Variants in ACTR3B observed in about 807,000 individuals in gnomAD.
ACTR3B encodes the protein actin related protein 3B, also known as actin-related protein 3B.
Under a neutral mutation model 59.0 loss-of-function variants are expected in ACTR3B, and 8 were observed. That is an observed-to-expected ratio of 0.14 (90% CI 0.08 to 0.24). The LOEUF is 0.24. ACTR3B is among the 10% of genes least tolerant of loss of function. The probability of loss-of-function intolerance (pLI) is 1.00; values close to 1 mark genes in which losing one functional copy is unlikely to be tolerated. For synonymous variants in ACTR3B, 148 were observed against 197.9 expected, an observed-to-expected ratio of 0.75 and a Z score of 2.12; for missense variants, 245 against 552.3, an observed-to-expected ratio of 0.44 and a Z score of 5.58.
At chr7:152,822,318 G>A (rs1310043499) in intron 7 of ACTR3B, among the ~76,000 whole-genome samples, 4 of 152,178 alleles carry the variant, frequency 2.6e-5, no homozygotes, top group African/African-American at 7.2e-5. Flanking sequence ...CCAGCTGGGC[G>A]GCCCACCTCG....
chr7:152,801,105 G>A (rs2098234917), intron 3 of ACTR3B, among the ~76,000 whole-genome samples: 1 of 152,272 alleles, frequency 6.6e-6, no homozygotes, highest in African/African-American at 2.4e-5. Context: ...TTTAGAGATA[G>A]GTCTTACTCT....
chr7:152,778,061 C>T (rs973909599), intron 1 of ACTR3B, among the ~76,000 whole-genome samples: 7 of 151,834 alleles, frequency 4.6e-5, no homozygotes, highest in Non-Finnish European at 8.8e-5. Context: ...AGTGTAAAAT[C>T]AGAATAATGA....
chr7:152,770,872 T>C (rs71541784), intron 1 of ACTR3B, among the ~76,000 whole-genome samples: 47,854 of 107,222 alleles, frequency 0.45, 8,680 homozygotes, highest in Non-Finnish European at 0.54. Context: ...CATGGGACTA[T>C]GCACAGAAAA....
intron 9 of ACTR3B, among the ~76,000 whole-genome samples, chr7:152,845,716 C>T (rs962542241): frequency 3.9e-5 from 6 of 152,148 alleles, no homozygotes; most frequent in African/African-American, 9.7e-5. Flanking sequence ...GCAGCTCTCC[C>T]GGCGCTCAGG....
At chr7:152,833,765 G>C (rs1797214607) in intron 9 of ACTR3B, among the ~76,000 whole-genome samples, 1 of 152,104 alleles carries the variant, frequency 6.6e-6, no homozygotes, top group African/African-American at 2.4e-5. Context: ...CGTTTATAAT[G>C]GTATGTGCTG....
intron 2 of ACTR3B, among the ~76,000 whole-genome samples, chr7:152,789,067 C>CAAACAGCAACAACA (rs2098185607): frequency 2.7e-5 from 1 of 37,696 alleles, no homozygotes. Flanking sequence ...CAACAACAAA[C>CAAACAGCAACAACA]AACAACAACA....
chr7:152,759,779 G>C lies in ACTR3B; in HGVS notation c.-104G>C. ...CCGGGCTCCCGGCAGCGGCGCTGCG[G>C]CGGCTCGCGGGAGACGCTGCGCGCG... On this transcript the variant is annotated 5_prime_UTR_variant, in exon 1 of 12. Transcript: ENST00000256001. The C allele has an allele frequency of 8.6e-6, 8 of 930,918 alleles. No individual in the cohort carries two copies. Among genetic ancestry groups the C allele is most frequent in the Non-Finnish European group, 1.1e-5 (8 of 753,586 alleles). The allele number at this position is 930,918 out of a possible 1,614,324, so 57.7% of individuals were successfully genotyped here.
At chr7:152,832,875 T>C (rs551315210) in intron 9 of ACTR3B, among the ~76,000 whole-genome samples, 17 of 152,324 alleles carry the variant, frequency 1.1e-4, no homozygotes, top group Admixed American at 2.6e-4. Flanking sequence ...GGGTCATCTT[T>C]CCTTAATGTT....
intron 2 of ACTR3B, among the ~76,000 whole-genome samples, chr7:152,792,837 G>T (rs1212196932): frequency 6.6e-6 from 1 of 152,104 alleles, no homozygotes; most frequent in East Asian, 1.9e-4. Context: ...TGAAGTAGGT[G>T]TGCTGTTGAC....
In ACTR3B at chr7:152,841,544, G is replaced by A. The variant is rs572138905; in HGVS notation, c.952-10582G>A. 5.3e-5 allele frequency among the ~76,000 whole-genome samples: 8 copies of A among 152,360 alleles called. No individual in the cohort carries two copies. In the South Asian group the frequency reaches 1.7e-3, roughly 32 times the overall value. On this transcript the variant is annotated intron_variant, in intron 9 of 11. Coordinates refer to ENST00000256001, the MANE Select transcript of ACTR3B (RefSeq NM_020445.6). ...AGAATTTCTGAACACAAAGCAAGGC[G>A]TGGAACTAGGGTGGGAGCTGGAGTT...
chr7:152,801,900 G>GA (rs796763970), intron 4 of ACTR3B, among the ~76,000 whole-genome samples, 169 bp downstream of exon 4: 349 of 30,108 alleles, frequency 0.012, 5 homozygotes, highest in African/African-American at 0.018. Flanking sequence ...AGAACAAAAA[G>GA]GGCTTGTTAG....
intron 9 of ACTR3B, among the ~76,000 whole-genome samples, chr7:152,843,445 T>A (rs1295793027): frequency 6.6e-6 from 1 of 152,246 alleles, no homozygotes; most frequent in Non-Finnish European, 1.5e-5. Context: ...AGAAGACTGT[T>A]ATTTCCCTAT....
chr7:152,844,391 A>T (rs974943925), intron 9 of ACTR3B, among the ~76,000 whole-genome samples: 5 of 152,138 alleles, frequency 3.3e-5, no homozygotes, highest in African/African-American at 7.2e-5. Flanking sequence ...ATGTTTTTTT[A>T]AAAAAATCTA....
intron 9 of ACTR3B, 141 bp from the exon 10 acceptor site, chr7:152,851,985 T>G: frequency 8.9e-7 from 1 of 1,119,804 alleles, no homozygotes. Context: ...TAGCATTAAG[T>G]TTGCTTTTGT....
intron 1 of ACTR3B, among the ~76,000 whole-genome samples, chr7:152,781,193 G>GTTTTT (rs369933153): frequency 2.5e-4 from 24 of 94,424 alleles, no homozygotes; most frequent in Non-Finnish European, 3.4e-4. Flanking sequence ...CGTTTCAGTG[G>GTTTTT]TTTTTTTTTT....
At chr7:152,774,615 A>G (rs1018695776) in intron 1 of ACTR3B, among the ~76,000 whole-genome samples, 4 of 152,122 alleles carry the variant, frequency 2.6e-5, no homozygotes, top group Admixed American at 2.0e-4. Flanking sequence ...AATGTTCAGA[A>G]TCCACAAAAG....
chr7:152,842,642 A>C lies in ACTR3B; in HGVS notation c.952-9484A>C, dbSNP rs368831365. On this transcript the variant is annotated intron_variant, in intron 9 of 11. Coordinates refer to ENST00000256001, the MANE Select transcript of ACTR3B (RefSeq NM_020445.6). ...ATTTGACCCTTCTTTCTGCTGGGAG[A>C]GCCTCAGCGAGCGGCTGTGCCACAA... is the stretch of plus-strand genomic sequence containing the variant. 4.4e-3 allele frequency among the ~76,000 whole-genome samples: 659 copies of C among 148,304 alleles called. 3 individuals are homozygous for C. Among genetic ancestry groups the C allele is most frequent in the African/African-American group, 0.015 (586 of 39,258 alleles).
At chr7:152,843,668 GTAATTGCACAGTCTT>G (rs1353372315) in intron 9 of ACTR3B, among the ~76,000 whole-genome samples, 1 of 152,204 alleles carries the variant, frequency 6.6e-6, no homozygotes, top group Non-Finnish European at 1.5e-5. Context: ...GACATGACAA[GTAATTGCACAGTCTT>G]ACCCTGCACT....
At chr7:152,792,433 ATATT>A (rs1035846927) in intron 2 of ACTR3B, among the ~76,000 whole-genome samples, 2 of 151,250 alleles carry the variant, frequency 1.3e-5, no homozygotes, top group African/African-American at 4.9e-5. Flanking sequence ...ATTCTTTTTA[ATATT>A]TATTTATTTT....
Sources: gnomAD v4.1 joint callset for allele counts (sites outside exome capture counted in the v4.1 genomes callset) on GRCh38, gnomAD v4.1.1 for gene constraint, MANE v1.5 for transcripts, NCBI Gene and HGNC (gene_info 2026-07-23, HGNC 2026-07-21) for gene names.